LUZP2: variants seen among roughly 807,000 people sequenced by gnomAD.
LUZP2 encodes the protein leucine zipper protein 2.
Under a neutral mutation model 51.6 loss-of-function variants are expected in LUZP2, and 52 were observed. That is an observed-to-expected ratio of 1.01 (90% CI 0.81 to 1.27). LUZP2 has a LOEUF of 1.27. Ranked by LOEUF, LUZP2 falls within the 50% of genes most tolerant of loss-of-function variation. The pLI is 0.00. For missense variants in LUZP2, 436 were observed against 395.4 expected, an observed-to-expected ratio of 1.10 and a Z score of -0.87; for synonymous variants, 154 against 137.3, an observed-to-expected ratio of 1.12 and a Z score of -0.85.
intron 9 of LUZP2, among the ~76,000 whole-genome samples, chr11:25,013,264 T>C (rs1857032777): frequency 6.6e-6 from 1 of 151,946 alleles, no homozygotes; most frequent in Non-Finnish European, 1.5e-5. Context: ...GGTTAATGGG[T>C]ACAAACATAC....
chr11:24,635,570 T>A (rs1400764900), intron 1 of LUZP2, among the ~76,000 whole-genome samples: 2 of 152,184 alleles, frequency 1.3e-5, no homozygotes, highest in African/African-American at 2.4e-5. Context: ...CCTTAAGTAA[T>A]CAATTTAAAT....
intron 9 of LUZP2, among the ~76,000 whole-genome samples, chr11:25,032,940 T>C (rs1467934412): frequency 6.6e-6 from 1 of 152,194 alleles, no homozygotes; most frequent in Admixed American, 6.5e-5. Flanking sequence ...ATTCAACTTT[T>C]AGGGAATTAT....
At chr11:24,925,284 C>T (rs910314099) in intron 7 of LUZP2, among the ~76,000 whole-genome samples, 2 of 151,976 alleles carry the variant, frequency 1.3e-5, no homozygotes. Context: ...ATGTCTGACC[C>T]CCATCTTCTC....
At chr11:24,885,035 G>A (rs189506243) in intron 5 of LUZP2, among the ~76,000 whole-genome samples, 137 of 152,150 alleles carry the variant, frequency 9.0e-4, no homozygotes, top group Non-Finnish European at 1.6e-3. Flanking sequence ...GTTCTGTTTC[G>A]AAGAGAAGTG....
chr11:25,077,803 T>C (rs2134064279), intron 11 of LUZP2, among the ~76,000 whole-genome samples: 1 of 152,208 alleles, frequency 6.6e-6, no homozygotes, highest in Admixed American at 6.5e-5. Flanking sequence ...ACCAGATCCA[T>C]GGTATTTAAC....
chr11:25,053,138 G>A lies in LUZP2; in HGVS notation c.858+3008G>A, dbSNP rs1050462890. On this transcript the variant is annotated intron_variant, in intron 10 of 11. Coordinates refer to ENST00000336930, the MANE Select transcript of LUZP2 (RefSeq NM_001009909.4). ...ATTGGGAACAAACAATGAAAAGTCT[G>A]TTTCAAAGAGAGAGCCCCAGGATTC... 5.3e-5 allele frequency among the ~76,000 whole-genome samples: 8 copies of A among 152,202 alleles called. No individual in the cohort carries two copies. In the East Asian group the frequency reaches 1.4e-3, roughly 26 times the overall value.
chr11:24,519,089 A>G (rs1398235821), intron 1 of LUZP2, among the ~76,000 whole-genome samples: 3 of 152,160 alleles, frequency 2.0e-5, no homozygotes, highest in African/African-American at 7.2e-5. Context: ...TTTGGGCTCT[A>G]TTTTAAACTT....
intron 7 of LUZP2, among the ~76,000 whole-genome samples, chr11:24,933,837 A>C (rs1030594750): frequency 2.0e-5 from 3 of 152,174 alleles, no homozygotes; most frequent in Admixed American, 2.0e-4. Context: ...TGGGATTATC[A>C]TTAGTTCTTA....
intron 6 of LUZP2, among the ~76,000 whole-genome samples, chr11:24,907,894 T>C (rs1037346435): frequency 1.3e-5 from 2 of 152,182 alleles, no homozygotes; most frequent in African/African-American, 4.8e-5. Context: ...AATATTGAAA[T>C]GTATTGTCAT....
intron 1 of LUZP2, among the ~76,000 whole-genome samples, chr11:24,656,598 C>A (rs1265408052): frequency 1.3e-5 from 2 of 152,188 alleles, no homozygotes; most frequent in African/African-American, 4.8e-5. Context: ...AAAGAATCTT[C>A]TTCCGAGCTC....
chr11:25,055,073 C>T (rs544942028), intron 10 of LUZP2, among the ~76,000 whole-genome samples: 3 of 146,432 alleles, frequency 2.0e-5, no homozygotes, highest in African/African-American at 5.1e-5. Context: ...TGCCCTGGCG[C>T]GATCTCGGCT....
At chr11:24,643,256 A>G (rs909568265) in intron 1 of LUZP2, among the ~76,000 whole-genome samples, 4 of 106,344 alleles carry the variant, frequency 3.8e-5, no homozygotes, top group Admixed American at 9.6e-5. Flanking sequence ...TAAAAGTACA[A>G]AAAAAAAAAA....
intron 7 of LUZP2, among the ~76,000 whole-genome samples, chr11:24,940,006 A>G (rs528974772): frequency 5.0e-4 from 75 of 150,558 alleles, no homozygotes; most frequent in African/African-American, 1.6e-3. Context: ...CAGCAGGTCC[A>G]CTGGTTCTGG....
At chr11:24,943,375 T>G (rs1590757495) in intron 7 of LUZP2, among the ~76,000 whole-genome samples, 1 of 152,182 alleles carries the variant, frequency 6.6e-6, no homozygotes, top group Non-Finnish European at 1.5e-5. Context: ...CCCTTTCATT[T>G]TCTTCATTAG....
chr11:24,925,550 T>C (rs1032234327), intron 7 of LUZP2, among the ~76,000 whole-genome samples: 2 of 152,048 alleles, frequency 1.3e-5, no homozygotes, highest in Admixed American at 6.6e-5. Flanking sequence ...CCTCACTTAT[T>C]TTTTTCATTA....
intron 5 of LUZP2, among the ~76,000 whole-genome samples, chr11:24,839,976 G>A (rs1210754795): frequency 1.3e-5 from 2 of 151,534 alleles, no homozygotes; most frequent in East Asian, 3.9e-4. Context: ...TCTAGCCCCA[G>A]CATATTTTGC....
Position 24,783,720 on chromosome 11 carries a change from C to G in LUZP2, c.396+20412C>G, listed in dbSNP as rs557375207. Among the ~76,000 whole-genome samples, 42 of 152,086 alleles carry G rather than the reference C, an allele frequency of 2.8e-4. No individual in the cohort carries two copies. In the South Asian group the frequency reaches 7.1e-3, roughly 26 times the overall value. ...CCCTACTGTTTGCTCCAGCAGTGCA[C>G]TACCCTTCTTATAACTCAAAAGTTA... On this transcript the variant is annotated intron_variant, in intron 5 of 11. Transcript: ENST00000336930.
Position 24,983,161 on chromosome 11 carries a change from G to A in LUZP2, c.633G>A (p.Gln211=), listed in dbSNP as rs984405175. Residue 211 remains glutamine, a synonymous_variant, in exon 9 of 12, where the codon CAG becomes CAA. Coordinates refer to ENST00000336930, the MANE Select transcript of LUZP2 (RefSeq NM_001009909.4). ...SQMKAMKETV[Q]LCLTSVFRDQ... ...TGAAAGCAATGAAAGAGACTGTGCA[G>A]CTCTGCTTGACATCTGTTTTCCGTG... 2.5e-6 allele frequency: 4 copies of A among 1,612,056 alleles called. No individual in the cohort carries two copies. The highest frequency in any genetic ancestry group is 3.4e-6 in the Non-Finnish European group (4 of 1,178,828).
chr11:24,806,137 G>T (rs1010818054), intron 5 of LUZP2, among the ~76,000 whole-genome samples: 1 of 152,110 alleles, frequency 6.6e-6, no homozygotes, highest in Admixed American at 6.6e-5. Context: ...AAAATCTTGG[G>T]GATAAAAAGC....
Sources: allele counts gnomAD v4.1 joint callset (sites outside exome capture counted in the v4.1 genomes callset), GRCh38; gene constraint gnomAD v4.1.1; transcripts MANE v1.5; gene names NCBI Gene and HGNC (gene_info 2026-07-23, HGNC 2026-07-21).